BPNT1: variants seen among roughly 807,000 people sequenced by gnomAD.
BPNT1 encodes 3'(2'),5'-bisphosphate nucleotidase 1.
BPNT1 carries 28 observed loss-of-function variants against 36.9 expected under a neutral mutation model. The ratio of observed to expected loss-of-function variants is 0.76; its 90% CI spans 0.56 to 1.04. The LOEUF (loss-of-function observed/expected upper bound fraction) is 1.04. Among genes scored for constraint, BPNT1 ranks in the 50% least tolerant of loss-of-function variants. The pLI is 0.00. For missense variants in BPNT1, 313 were observed against 372.9 expected (o/e 0.84, Z 1.32); for synonymous variants, 119 against 130.9 (o/e 0.91, Z 0.62).
At chr1:220,061,641 G>T (rs80243118) in intron 7 of BPNT1, among the ~76,000 whole-genome samples, 5,811 of 152,172 alleles carry the variant, frequency 0.038, 142 homozygotes, top group East Asian at 0.11. Context: ...TGTTTGGCTG[G>T]ATCAGTTAGA....
At chr1:220,084,618 T>G (rs1655543120) in intron 1 of BPNT1, among the ~76,000 whole-genome samples, 1 of 152,208 alleles carries the variant, frequency 6.6e-6, no homozygotes, top group South Asian at 2.1e-4. Flanking sequence ...TTCATAGATA[T>G]CATTTACCTT....
At chr1:220,063,388 C>G (rs1245180097) in intron 6 of BPNT1, among the ~76,000 whole-genome samples, 2 of 152,152 alleles carry the variant, frequency 1.3e-5, no homozygotes, top group Non-Finnish European at 2.9e-5. Flanking sequence ...AACAATATCA[C>G]TGGCAAAGAA....
chr1:220,078,206 A>G (rs188967151), intron 2 of BPNT1, among the ~76,000 whole-genome samples: 5,151 of 147,830 alleles, frequency 0.035, 165 homozygotes, highest in African/African-American at 0.084. Context: ...AAAAAAAAAA[A>G]GATTATAATA....
At chr1:220,062,730 A>C in intron 7 of BPNT1, 27 bp downstream of exon 7, 4 of 1,610,442 alleles carry the variant, frequency 2.5e-6, no homozygotes, top group Non-Finnish European at 3.4e-6. Context: ...CTTGCACTTC[A>C]GAGCAGATGA....
In BPNT1 at chr1:220,058,920, A is replaced by G; in HGVS notation, c.851T>C (p.Val284Ala). Residue 284 changes from valine (V) to alanine (A), a missense_variant, in exon 9 of 9, where the codon GTC becomes GCC. By Grantham distance (64) the Val-to-Ala change is moderately conservative (BLOSUM62 0). Transcript: ENST00000322067. ...KDVKHMNSAG[V>A]LATLRNYDYY... ...GTCATAATTCCTCAGTGTGGCCAGG[A>G]CTCCTGCAGAGTTCATATGCTTCAC... 6.2e-7 allele frequency: 1 copy of G among 1,613,736 alleles called. No homozygotes were observed. The highest frequency in any genetic ancestry group is 2.2e-5 in the East Asian group (1 of 44,882).
chr1:220,073,375 C>G (rs1391015068), intron 3 of BPNT1, among the ~76,000 whole-genome samples: 1 of 151,826 alleles, frequency 6.6e-6, no homozygotes, highest in Non-Finnish European at 1.5e-5. Flanking sequence ...TGCAACCTCC[C>G]CATCCTGGGG....
At chr1:220,088,774 A>G (rs1465253800) in intron 1 of BPNT1, among the ~76,000 whole-genome samples, 2 of 148,210 alleles carry the variant, frequency 1.3e-5, no homozygotes, top group African/African-American at 5.0e-5. Context: ...TGGGGGACAG[A>G]GCTAGAACCT....
intron 1 of BPNT1, among the ~76,000 whole-genome samples, chr1:220,087,338 C>T (rs1203815490): frequency 6.6e-6 from 1 of 152,030 alleles, no homozygotes; most frequent in Admixed American, 6.6e-5. Context: ...GGGCGGATGA[C>T]GAGGTCAGGA....
chr1:220,086,930 C>T (rs371354498), intron 1 of BPNT1, among the ~76,000 whole-genome samples: 388 of 150,184 alleles, frequency 2.6e-3, no homozygotes, highest in African/African-American at 8.9e-3. Flanking sequence ...GCCTGTAACC[C>T]CAACTTCTTG....
intron 1 of BPNT1, among the ~76,000 whole-genome samples, chr1:220,080,598 A>T (rs1665016593): frequency 6.6e-6 from 1 of 152,156 alleles, no homozygotes; most frequent in Non-Finnish European, 1.5e-5. Context: ...GAAGCGGGAG[A>T]GTCCCTTAAA....
chr1:220,068,860 T>G (rs1470029410), intron 5 of BPNT1, among the ~76,000 whole-genome samples: 2 of 152,184 alleles, frequency 1.3e-5, no homozygotes, highest in African/African-American at 4.8e-5. Flanking sequence ...TTCCTACATT[T>G]ATATGGCCAA....
intron 4 of BPNT1, among the ~76,000 whole-genome samples, chr1:220,072,293 G>A (rs1034421986): frequency 6.6e-6 from 1 of 151,878 alleles, no homozygotes; most frequent in African/African-American, 2.4e-5. Flanking sequence ...AACCCAGGAG[G>A]TGGAGGTTGT....
At chr1:220,059,412 CAA>C (rs201684232) in intron 8 of BPNT1, among the ~76,000 whole-genome samples, 34 of 106,470 alleles carry the variant, frequency 3.2e-4, no homozygotes, top group Non-Finnish European at 3.9e-4. Flanking sequence ...GACCCTGTGT[CAA>C]AAAAAAAAAA....
chr1:220,078,534 TTA>T (rs1013680154), intron 2 of BPNT1, among the ~76,000 whole-genome samples: 5 of 141,558 alleles, frequency 3.5e-5, no homozygotes, highest in Admixed American at 7.5e-5. Context: ...TTATATTACA[TTA>T]TATATATTAT....
intron 6 of BPNT1, chr1:220,066,231 T>A (rs1663521088): frequency 1.7e-6 from 1 of 593,042 alleles, no homozygotes. Flanking sequence ...CAATGCTTTA[T>A]ATGAATTAAA....
chr1:220,079,152 T>G (rs1487747485), intron 2 of BPNT1, among the ~76,000 whole-genome samples: 2 of 152,186 alleles, frequency 1.3e-5, no homozygotes. Flanking sequence ...AATAGATTAC[T>G]CTAGGATTTG....
At chr1:220,067,447 C>A in intron 5 of BPNT1, 54 bp from the exon 6 acceptor site, 1 of 1,207,130 alleles carries the variant, frequency 8.3e-7, no homozygotes, top group Non-Finnish European at 1.2e-6. Context: ...TATGACTCAT[C>A]ATTACTACAT....
rs531007993 is a variant in BPNT1, at chr1:220,072,059, T to G, written c.333+791A>C. ...GGCCATTCAACTGGGGAAAAAATAA[T>G]CTCTTTAAGAGATGGTGCTGGGGCC... On this transcript the variant is annotated intron_variant, in intron 4 of 8. Transcript: ENST00000322067. Among the ~76,000 whole-genome samples the G allele has an allele frequency of 4.2e-4, 64 of 151,514 alleles. 1 individual carries two copies. Among genetic ancestry groups the G allele is most frequent in the Non-Finnish European group, 5.5e-4 (37 of 67,880 alleles).
chr1:220,062,892 C>G lies in BPNT1; in HGVS notation c.537G>C (p.Gly179=), dbSNP rs749514995. 6.2e-7 allele frequency: 1 copy of G among 1,614,006 alleles called. No individual in the cohort carries two copies. Among genetic ancestry groups the G allele is most frequent in the African/African-American group, 1.3e-5 (1 of 74,906 alleles). ...CAGCAGGGACTTCTTTCAGCTGAAA[C>G]CCAAAGGCGCCTAAACCTAAAACTC... ...IWGVLGLGAF[G]FQLKEVPAGK... The change falls in exon 7 of 9, where the codon GGG becomes GGC. Residue 179 remains glycine, a synonymous_variant. Transcript: ENST00000322067.
Sources: gnomAD v4.1 joint callset for allele counts (sites outside exome capture counted in the v4.1 genomes callset) on GRCh38, gnomAD v4.1.1 for gene constraint, MANE v1.5 for transcripts, NCBI Gene and HGNC (gene_info 2026-07-23, HGNC 2026-07-21) for gene names.